REPS2: variants seen among roughly 807,000 people sequenced by gnomAD.
REPS2 encodes the protein RALBP1 associated Eps domain containing 2.
Under a neutral mutation model 53.6 loss-of-function variants are expected in REPS2, and 23 were observed. The observed-to-expected ratio is 0.43, with a 90% confidence interval of 0.31 to 0.61. The LOEUF is 0.61. Ranked by LOEUF, REPS2 falls within the 20% of genes least tolerant of loss-of-function variation. REPS2 has a pLI of 0.11. For synonymous variants in REPS2, 238 were observed against 218.6 expected, an observed-to-expected ratio of 1.09 and a Z score of -0.78; for missense variants, 446 against 534.9, an observed-to-expected ratio of 0.83 and a Z score of 1.64.
At chrX:16,999,128 A>G (rs886528109) in intron 1 of REPS2, among the ~76,000 whole-genome samples, 3 of 112,249 alleles carry the variant, frequency 2.7e-5, no homozygotes, top group African/African-American at 6.5e-5. Flanking sequence ...ATCAACCACA[A>G]TTGATTAAAC....
chrX:17,158,510 A>G, the REPS2 span, among the ~76,000 whole-genome samples: 1 of 112,037 alleles, frequency 8.9e-6, no homozygotes, highest in African/African-American at 3.2e-5. Flanking sequence ...AGCTTCTAGA[A>G]GAATGCATAG....
chrX:17,166,315 T>C, the REPS2 span, among the ~76,000 whole-genome samples: 14 of 111,661 alleles, frequency 1.3e-4, no homozygotes, highest in Non-Finnish European at 9.4e-5. Flanking sequence ...TGATTGGGCT[T>C]ATCTGGGACT....
At chrX:17,188,652 A>G in the REPS2 span, among the ~76,000 whole-genome samples, 1 of 112,535 alleles carries the variant, frequency 8.9e-6, no homozygotes, top group South Asian at 3.7e-4. Flanking sequence ...ATTTCCTGTT[A>G]TAAAGTACTG....
At chrX:17,124,245 G>A (rs1349567598) in intron 14 of REPS2, among the ~76,000 whole-genome samples, 2 of 112,128 alleles carry the variant, frequency 1.8e-5, no homozygotes, top group African/African-American at 6.5e-5. Flanking sequence ...AAACAGTATT[G>A]GGTTCATTGC....
chrX:16,951,090 T>C (rs1448100269), intron 1 of REPS2, among the ~76,000 whole-genome samples: 1 of 111,780 alleles, frequency 8.9e-6, no homozygotes, highest in African/African-American at 3.2e-5. Flanking sequence ...CAAATACATG[T>C]CAAACCCAGA....
intron 17 of REPS2, among the ~76,000 whole-genome samples, chrX:17,144,878 C>T (rs2063493477): frequency 9.0e-6 from 1 of 111,723 alleles, no homozygotes; most frequent in Non-Finnish European, 1.9e-5. Flanking sequence ...CAAAGTGTCA[C>T]TGTGGCCCAT....
chrX:16,965,672 G>T (rs1458526598), intron 1 of REPS2, among the ~76,000 whole-genome samples: 5 of 112,788 alleles, frequency 4.4e-5, no homozygotes, highest in African/African-American at 1.6e-4. Flanking sequence ...TGTGATGGCG[G>T]CCGGGAAGAG....
intron 1 of REPS2, among the ~76,000 whole-genome samples, chrX:16,994,350 TAC>T (rs956632977): frequency 9.2e-5 from 9 of 98,277 alleles, no homozygotes; most frequent in Admixed American, 4.2e-4. Flanking sequence ...TGTGTATATA[TAC>T]ACACACGTAC....
At chrX:16,962,276 TACACACACACACACACACACACAC>T (rs61520216) in intron 1 of REPS2, among the ~76,000 whole-genome samples, 17 of 81,860 alleles carry the variant, frequency 2.1e-4, no homozygotes, top group African/African-American at 6.2e-4. Flanking sequence ...TATCGTGGGA[TACACACACACACACACACACACAC>T]ACACACACAC....
rs2062577341 is a variant in REPS2, at chrX:17,088,815, C to T, written c.1516+11408C>T. 1.8e-5 allele frequency among the ~76,000 whole-genome samples: 2 copies of T among 110,376 alleles called. 1 individual carries two copies. The highest frequency in any genetic ancestry group is 6.6e-5 in the African/African-American group (2 of 30,290). ...AGCTAGGATGGTCTCAATCTCCTGACCTCGTGATCCACCTGCCTCGGCCTC... is the reference window on the plus strand; with the variant it reads ...AGCTAGGATGGTCTCAATCTCCTGATCTCGTGATCCACCTGCCTCGGCCTC... On this transcript the variant is annotated intron_variant, in intron 13 of 17. Coordinates refer to ENST00000357277, the MANE Select transcript of REPS2 (RefSeq NM_004726.3).
intron 1 of REPS2, among the ~76,000 whole-genome samples, chrX:16,993,787 C>T (rs144993762): frequency 0.017 from 1,863 of 112,589 alleles, 29 homozygotes; most frequent in Middle Eastern, 0.023. Flanking sequence ...TTTGGAAGCT[C>T]TGGAATGATC....
At chrX:17,106,297 G>C (rs1466643480) in intron 14 of REPS2, among the ~76,000 whole-genome samples, 1 of 111,399 alleles carries the variant, frequency 9.0e-6, no homozygotes. Flanking sequence ...CCTCTTCAGG[G>C]AGAACTACAA....
chrX:17,141,400 CATTGG>C (rs2063445323), intron 17 of REPS2, among the ~76,000 whole-genome samples: 1 of 112,123 alleles, frequency 8.9e-6, no homozygotes, highest in Non-Finnish European at 1.9e-5. Flanking sequence ...AGTAGTATCC[CATTGG>C]GTGAATATGT....
At chrX:17,073,606 G>A (rs1226136693) in intron 11 of REPS2, among the ~76,000 whole-genome samples, 2 of 110,735 alleles carry the variant, frequency 1.8e-5, no homozygotes, top group Middle Eastern at 4.8e-3. Flanking sequence ...AGGAGAAGCT[G>A]TATAGCTCAT....
chrX:17,087,983 G>C (rs1431362990), intron 13 of REPS2, among the ~76,000 whole-genome samples: 1 of 101,801 alleles, frequency 9.8e-6, no homozygotes, highest in Admixed American at 1.1e-4. Flanking sequence ...GATAGATAAA[G>C]ATACATAAGA....
At chrX:16,987,226 T>A (rs1455240138) in intron 1 of REPS2, among the ~76,000 whole-genome samples, 1 of 111,030 alleles carries the variant, frequency 9.0e-6, no homozygotes, top group East Asian at 2.8e-4. Context: ...TAAACCACCA[T>A]GCCTGGCTGT....
At chrX:17,039,661 G>T (rs2061807117) in intron 5 of REPS2, among the ~76,000 whole-genome samples, 1 of 112,242 alleles carries the variant, frequency 8.9e-6, no homozygotes, top group Non-Finnish European at 1.9e-5. Context: ...TGGATGAACA[G>T]ATAGAGATAA....
chrX:17,195,487 C>T, the REPS2 span, among the ~76,000 whole-genome samples: 1 of 112,033 alleles, frequency 8.9e-6, no homozygotes, highest in Non-Finnish European at 1.9e-5. Context: ...CATTTTGGCC[C>T]TGTTCAAGTA....
At chrX:17,129,482 G>A (rs1000053222) in intron 14 of REPS2, among the ~76,000 whole-genome samples, 3 of 111,214 alleles carry the variant, frequency 2.7e-5, no homozygotes, top group African/African-American at 6.6e-5. Flanking sequence ...CCTGAGATTC[G>A]CTCCTCCGAA....
Sources: allele counts gnomAD v4.1 joint callset (sites outside exome capture counted in the v4.1 genomes callset), GRCh38; gene constraint gnomAD v4.1.1; transcripts MANE v1.5; gene names NCBI Gene and HGNC (gene_info 2026-07-23, HGNC 2026-07-21).